Variants in LPP observed in about 807,000 individuals in gnomAD.
LPP encodes lipoma-preferred partner.
LPP carries 38 observed loss-of-function variants against 60.4 expected under a neutral mutation model. The observed-to-expected ratio is 0.63, with a 90% CI of 0.49 to 0.83. LPP has a LOEUF of 0.83. Ranked by LOEUF, LPP falls within the 40% of genes least tolerant of loss-of-function variation. The probability of loss-of-function intolerance (pLI) is 0.00; values close to 1 mark genes in which losing one functional copy is unlikely to be tolerated. For synonymous variants in LPP, 328 were observed against 290.8 expected (o/e 1.13, Z -1.30); for missense variants, 902 against 783.6 (o/e 1.15, Z -1.80).
intron 1 of LPP, among the ~76,000 whole-genome samples, chr3:188,210,779 C>T (rs1224503307): frequency 1.3e-5 from 2 of 152,142 alleles, no homozygotes; most frequent in African/African-American, 4.8e-5. Flanking sequence ...GGAATAATCT[C>T]CTTTCTTTGC....
At chr3:188,563,460 A>ATGTGTGTGTGTGTGTGTGTGTGTGTG (rs59514913) in intron 6 of LPP, among the ~76,000 whole-genome samples, 5 of 141,938 alleles carry the variant, frequency 3.5e-5, no homozygotes, top group Middle Eastern at 3.3e-3. Flanking sequence ...TTACATATAT[A>ATGTGTGTGTGTGTGTGTGTGTGTGTG]TGTGTGTGTG....
chr3:188,293,285 T>C (rs1746650093), intron 2 of LPP, among the ~76,000 whole-genome samples: 1 of 152,364 alleles, frequency 6.6e-6, no homozygotes, highest in East Asian at 1.9e-4. Flanking sequence ...TGGATGTTGT[T>C]CCTCTAGTAT....
chr3:188,575,527 TGGC>T (rs1436765077), intron 6 of LPP, among the ~76,000 whole-genome samples: 1 of 152,160 alleles, frequency 6.6e-6, no homozygotes, highest in African/African-American at 2.4e-5. Flanking sequence ...AGCTAGTACG[TGGC>T]AGGGCTCAGA....
chr3:188,398,252 T>A (rs957463106), intron 3 of LPP, among the ~76,000 whole-genome samples: 6 of 152,134 alleles, frequency 3.9e-5, no homozygotes, highest in African/African-American at 1.4e-4. Context: ...TTAGAGGGAA[T>A]GGTAGTGGAT....
chr3:188,325,502 CA>C (rs1758178204), intron 2 of LPP, among the ~76,000 whole-genome samples: 1 of 152,154 alleles, frequency 6.6e-6, no homozygotes, highest in South Asian at 2.1e-4. Context: ...CCCCCCTCCC[CA>C]TCATTCTTCT....
chr3:188,209,418 T>G (rs1313882549), intron 1 of LPP, among the ~76,000 whole-genome samples: 1 of 152,196 alleles, frequency 6.6e-6, no homozygotes, highest in African/African-American at 2.4e-5. Context: ...AAATAACATT[T>G]TTTCTCTCTT....
In LPP at chr3:188,341,708, C is replaced by T. The variant is rs962266855; in HGVS notation, c.-21C>T. 2.0e-6 allele frequency: 2 copies of T among 984,640 alleles called. No individual in the cohort carries two copies. The highest frequency in any genetic ancestry group is 2.4e-6 in the Non-Finnish European group (2 of 829,422). The allele number at this position is 984,640 out of a possible 1,614,324, so 61.0% of individuals were successfully genotyped here. A position where few individuals can be genotyped will look rare whatever the true frequency, so the allele number is the denominator to read the frequency against. Reference sequence around the variant, plus strand: ...TGTGTCAACCATCCATTCCAGGAGCCAGCTATCTGAGGTAAGAGAGGAGGC... The same window carrying T: ...TGTGTCAACCATCCATTCCAGGAGCTAGCTATCTGAGGTAAGAGAGGAGGC... On this transcript the variant is annotated 5_prime_UTR_variant, in exon 3 of 12. Transcript: ENST00000617246.
chr3:188,213,868 C>A (rs1163486362), intron 1 of LPP, among the ~76,000 whole-genome samples: 1 of 151,740 alleles, frequency 6.6e-6, no homozygotes, highest in Non-Finnish European at 1.5e-5. Context: ...AGCAAGGCTT[C>A]CCATCTGAGC....
At chr3:188,394,379 A>G (rs1780404055) in intron 3 of LPP, among the ~76,000 whole-genome samples, 2 of 152,284 alleles carry the variant, frequency 1.3e-5, no homozygotes, top group South Asian at 2.1e-4. Context: ...TTGTAAGGTA[A>G]TGAGTTCCTT....
intron 2 of LPP, among the ~76,000 whole-genome samples, chr3:188,245,013 T>C (rs1726371724): frequency 2.0e-5 from 3 of 152,248 alleles, no homozygotes; most frequent in African/African-American, 7.2e-5. Flanking sequence ...TCTTGGTCCG[T>C]TGTTAGTGGT....
chr3:188,725,997 G>A (rs1718249530), intron 8 of LPP, among the ~76,000 whole-genome samples: 1 of 152,116 alleles, frequency 6.6e-6, no homozygotes, highest in Admixed American at 6.6e-5. Context: ...GGAGAAATGA[G>A]ACTAAATGAA....
rs1723095793 is a variant in LPP at position 188,239,507 on chromosome 3, C to T, written c.-67+13980C>T. Among the ~76,000 whole-genome samples the T allele has an allele frequency of 2.0e-5, 3 of 152,162 alleles. No individual in the cohort carries two copies. The South Asian group carries it at 6.2e-4, about 31-fold the overall frequency. On this transcript the variant is annotated intron_variant, in intron 2 of 11. Coordinates refer to ENST00000617246, the MANE Select transcript of LPP (RefSeq NM_001375462.1). ...TTTTACTTTATATCACCTTTTCTTA[C>T]TATCGCTATTGGTTTTAACAAAATT...
At chr3:188,423,695 A>G (rs891445656) in intron 4 of LPP, among the ~76,000 whole-genome samples, 1 of 152,156 alleles carries the variant, frequency 6.6e-6, no homozygotes, top group African/African-American at 2.4e-5. Flanking sequence ...TCTAATGACC[A>G]GTGATGATGA....
intron 7 of LPP, among the ~76,000 whole-genome samples, chr3:188,640,950 C>T (rs1164261026): frequency 1.3e-5 from 2 of 152,172 alleles, no homozygotes; most frequent in African/African-American, 4.8e-5. Context: ...AACAGTAGAA[C>T]ATACTCTTAG....
At chr3:188,694,595 A>G (rs1407450865) in intron 7 of LPP, among the ~76,000 whole-genome samples, 2 of 151,778 alleles carry the variant, frequency 1.3e-5, no homozygotes, top group African/African-American at 4.8e-5. Context: ...CCAGCTACTC[A>G]GGAGGCTGAG....
At chr3:188,344,489 C>A (rs1468026357) in intron 3 of LPP, among the ~76,000 whole-genome samples, 3 of 152,112 alleles carry the variant, frequency 2.0e-5, no homozygotes, top group Admixed American at 6.6e-5. Context: ...AGTCACCTTC[C>A]CTCTATGAGG....
intron 7 of LPP, among the ~76,000 whole-genome samples, chr3:188,639,039 A>C (rs1849470368): frequency 6.6e-6 from 1 of 150,690 alleles, no homozygotes; most frequent in Admixed American, 6.6e-5. Flanking sequence ...TGGAACCAAA[A>C]AAGAGCCCGC....
At chr3:188,385,095 T>A (rs1250386235) in intron 3 of LPP, among the ~76,000 whole-genome samples, 5 of 151,926 alleles carry the variant, frequency 3.3e-5, no homozygotes, top group Non-Finnish European at 7.4e-5. Context: ...CTTTATGGCC[T>A]TGCTGAAATG....
At position 188,440,352 on chromosome 3, in the gene LPP, G is replaced by GT. The variant is rs1029147187; in HGVS notation, c.193+34048dup. 5.9e-5 allele frequency among the ~76,000 whole-genome samples: 9 copies of GT among 151,536 alleles called. No individual in the cohort carries two copies. In the East Asian group the frequency reaches 9.7e-4, roughly 16 times the overall value. On this transcript the variant is annotated intron_variant, in intron 4 of 11. Transcript: ENST00000617246. Reference sequence around the variant, plus strand: ...GTCAAGGTTAAGTATTATATTTAAAGTTTTTTTTTAGTAGTGACTAGCACT... The same window carrying GT: ...GTCAAGGTTAAGTATTATATTTAAAGTTTTTTTTTTAGTAGTGACTAGCACT...
Sources: allele counts gnomAD v4.1 joint callset (sites outside exome capture counted in the v4.1 genomes callset), GRCh38; gene constraint gnomAD v4.1.1; transcripts MANE v1.5; gene names NCBI Gene and HGNC (gene_info 2026-07-23, HGNC 2026-07-21).